The following ZC3H13 variants were observed in gnomAD, a reference collection of about 807,000 sequenced individuals.
The protein encoded by ZC3H13 is zinc finger CCCH domain-containing protein 13.
Under a neutral mutation model 204.1 loss-of-function variants are expected in ZC3H13, and 64 were observed. The observed-to-expected ratio is 0.31, with a 90% CI of 0.26 to 0.39. The LOEUF (loss-of-function observed/expected upper bound fraction) is 0.39, where lower values mean the gene tolerates loss of function less well. ZC3H13 is among the 10% of genes least tolerant of loss of function. The probability of loss-of-function intolerance (pLI) is 1.00; values close to 1 mark genes in which losing one functional copy is unlikely to be tolerated. For synonymous variants in ZC3H13, 667 were observed against 693.7 expected, an observed-to-expected ratio of 0.96 and a Z score of 0.60; for missense variants, 1,833 against 2,082.7, an observed-to-expected ratio of 0.88 and a Z score of 2.33.
At chr13:46,007,621 T>C (rs761919989) in intron 7 of ZC3H13, among the ~76,000 whole-genome samples, 1 of 152,212 alleles carries the variant, frequency 6.6e-6, no homozygotes, top group Non-Finnish European at 1.5e-5. Context: ...CCATCAAAAT[T>C]ATATGTGGTT....
rs1264382935 is a variant in ZC3H13, at chr13:45,957,231, G to A, written c.4906C>T (p.Arg1636Trp). Reference sequence around the variant, plus strand: ...CAAGTAGTCTTCCGCTTAAATAACCGAAGACTCAATCGAAGTAATTCATTG... The same window carrying A: ...CAAGTAGTCTTCCGCTTAAATAACCAAAGACTCAATCGAAGTAATTCATTG... ...VDNELLRLSL[R>W]LFKRKTTCHA... Residue 1636 changes from arginine to tryptophan, a missense_variant, in exon 19 of 19, where the codon CGG (arginine) becomes TGG (tryptophan). Physicochemically the swap from Arg to Trp is moderately radical, Grantham distance 101. Transcript: ENST00000679008. 9.0e-6 allele frequency: 14 copies of A among 1,548,274 alleles called. No homozygotes were observed. Among genetic ancestry groups the A allele is most frequent in the East Asian group, 4.9e-5 (2 of 40,880 alleles).
intron 4 of ZC3H13, among the ~76,000 whole-genome samples, chr13:46,039,461 T>A (rs2043423622): frequency 6.6e-6 from 1 of 152,226 alleles, no homozygotes; most frequent in Non-Finnish European, 1.5e-5. Context: ...TGTATATTCT[T>A]CACAGCAACA....
In ZC3H13 at chr13:45,967,594, C is replaced by CT; in HGVS notation, c.4230dup (p.Ala1411SerfsTer4). On this transcript the variant is annotated frameshift_variant, in exon 15 of 19. Transcript: ENST00000679008. LOFTEE classifies it high-confidence loss of function. ...TTATCCATTCTCTCTTTATCCAAGG[C>CT]TAGAGAGTCTCGGGAAGTGCTTTCT... is the stretch of plus-strand genomic sequence containing the variant. 1 of 1,613,772 alleles carries CT rather than the reference C, an allele frequency of 6.2e-7. No individual in the cohort carries two copies. Among genetic ancestry groups the CT allele is most frequent in the Non-Finnish European group, 8.5e-7 (1 of 1,179,826 alleles).
At chr13:46,032,697 A>C (rs898105228) in intron 4 of ZC3H13, among the ~76,000 whole-genome samples, 14 of 152,170 alleles carry the variant, frequency 9.2e-5, no homozygotes, top group Non-Finnish European at 1.8e-4. Context: ...ACAATTGCAT[A>C]TATTCCCTGT....
At chr13:45,992,633 A>C (rs949165488) in intron 8 of ZC3H13, among the ~76,000 whole-genome samples, 60 of 152,280 alleles carry the variant, frequency 3.9e-4, no homozygotes, top group African/African-American at 1.4e-3. Context: ...AACTGGGTTA[A>C]CTGGGTCATG....
chr13:45,974,068 G>A (rs932329283), intron 12 of ZC3H13, among the ~76,000 whole-genome samples: 2 of 152,204 alleles, frequency 1.3e-5, no homozygotes, highest in Non-Finnish European at 2.9e-5. Flanking sequence ...ATGAGTTGGA[G>A]GTAAGAGCAA....
chr13:45,982,560 C>T (rs1455353700), intron 10 of ZC3H13, among the ~76,000 whole-genome samples: 2 of 152,120 alleles, frequency 1.3e-5, no homozygotes, highest in Middle Eastern at 3.4e-3. Context: ...CAAATACTAA[C>T]CAAAAGACAG....
chr13:45,996,140 T>C (rs1386042047), intron 8 of ZC3H13, among the ~76,000 whole-genome samples: 1 of 152,212 alleles, frequency 6.6e-6, no homozygotes. Flanking sequence ...ATACTACTAA[T>C]GTATTAGTTT....
intron 17 of ZC3H13, among the ~76,000 whole-genome samples, chr13:45,960,811 T>C (rs931458962): frequency 6.6e-6 from 1 of 152,076 alleles, no homozygotes; most frequent in Non-Finnish European, 1.5e-5. Context: ...AACGCCTGGG[T>C]AAAAATAAAA....
At chr13:45,988,508 C>T (rs910546827) in intron 9 of ZC3H13, among the ~76,000 whole-genome samples, 2 of 152,162 alleles carry the variant, frequency 1.3e-5, no homozygotes, top group Admixed American at 6.5e-5. Context: ...CCTCCCACCT[C>T]GGCCTCCCAA....
intron 17 of ZC3H13, among the ~76,000 whole-genome samples, 175 bp from the exon 18 acceptor site, chr13:45,959,821 G>A (rs9595406): frequency 0.013 from 2,029 of 152,200 alleles, 47 homozygotes; most frequent in African/African-American, 0.047. Flanking sequence ...ACGTAGTTAT[G>A]TTGGTAGTCT....
intron 4 of ZC3H13, among the ~76,000 whole-genome samples, chr13:46,027,107 A>ATT: frequency 6.6e-6 from 1 of 151,612 alleles, no homozygotes; most frequent in South Asian, 2.1e-4. Context: ...GGTGTTTTTT[A>ATT]TTTTTTTTTA....
intron 1 of ZC3H13, among the ~76,000 whole-genome samples, chr13:46,046,590 C>T (rs1335755697): frequency 4.0e-5 from 6 of 151,282 alleles, no homozygotes; most frequent in African/African-American, 1.5e-4. Flanking sequence ...ATAGCATGAA[C>T]CCAGGAGGCA....
intron 4 of ZC3H13, among the ~76,000 whole-genome samples, chr13:46,037,895 T>G (rs2043308157): frequency 6.6e-6 from 1 of 152,232 alleles, no homozygotes; most frequent in Non-Finnish European, 1.5e-5. Context: ...TCATACTAAG[T>G]CTCTGAAATT....
chr13:45,967,060 T>C lies in ZC3H13; in HGVS notation c.4321+444A>G, dbSNP rs116159939. Among the ~76,000 whole-genome samples, 1,099 of 152,308 alleles carry C rather than the reference T, an allele frequency of 7.2e-3. 14 individuals are homozygous for C. Among genetic ancestry groups the C allele is most frequent in the African/African-American group, 0.025 (1,055 of 41,554 alleles). On this transcript the variant is annotated intron_variant, in intron 15 of 18. Coordinates refer to ENST00000679008, the MANE Select transcript of ZC3H13 (RefSeq NM_001330564.2). ...GGATTCTAGTCAATCCTACATTAAA[T>C]ACAGTTTTAGGTAGTGTTATTGTTT...
At chr13:46,039,692 A>T (rs1469069503) in intron 4 of ZC3H13, among the ~76,000 whole-genome samples, 1 of 152,244 alleles carries the variant, frequency 6.6e-6, no homozygotes, top group Admixed American at 6.5e-5. Flanking sequence ...ATGATTGAAC[A>T]AATAAACTGT....
chr13:46,003,553 C>T (rs1305502157), intron 7 of ZC3H13, among the ~76,000 whole-genome samples: 1 of 151,814 alleles, frequency 6.6e-6, no homozygotes, highest in Admixed American at 6.6e-5. Flanking sequence ...TATTATATAA[C>T]TTTAAAGGGG....
chr13:46,013,318 G>A (rs947962584), intron 5 of ZC3H13, among the ~76,000 whole-genome samples: 6 of 152,030 alleles, frequency 3.9e-5, no homozygotes, highest in African/African-American at 9.7e-5. Flanking sequence ...GGAGTCAGAG[G>A]CAGGAGAATT....
In ZC3H13 at chr13:45,988,767, A is replaced by T; in HGVS notation, c.1255+20T>A. ...GGATGTTCAATTTTTCAATTAAAAAAATCAAAGTACAGTACACACCTTCCC... is the reference window on the plus strand; with the variant it reads ...GGATGTTCAATTTTTCAATTAAAAATATCAAAGTACAGTACACACCTTCCC... On this transcript the variant is annotated intron_variant, in intron 9 of 18. Coordinates refer to ENST00000679008, the MANE Select transcript of ZC3H13 (RefSeq NM_001330564.2). 6.4e-7 allele frequency: 1 copy of T among 1,572,080 alleles called. No individual in the cohort carries two copies. The highest frequency in any genetic ancestry group is 8.6e-7 in the Non-Finnish European group (1 of 1,158,072).
Sources: gnomAD v4.1 joint callset for allele counts (sites outside exome capture counted in the v4.1 genomes callset) on GRCh38, gnomAD v4.1.1 for gene constraint, MANE v1.5 for transcripts, NCBI Gene and HGNC (gene_info 2026-07-23, HGNC 2026-07-21) for gene names.